The following ADCY1 variants were observed in gnomAD, a reference collection of about 807,000 sequenced individuals.
ADCY1 encodes the protein adenylate cyclase 1, also known as adenylate cyclase type 1.
A neutral mutation model predicts 105.4 loss-of-function variants in ADCY1; 28 were observed. The observed-to-expected ratio is 0.27, with a 90% CI of 0.20 to 0.36. The LOEUF is 0.36. Ranked by LOEUF, ADCY1 falls within the 10% of genes least tolerant of loss-of-function variation. The pLI is 1.00. For synonymous variants in ADCY1, 655 were observed against 623.8 expected (o/e 1.05, Z -0.75); for missense variants, 977 against 1,434.2 (o/e 0.68, Z 5.15).
At chr7:45,581,394 T>C (rs1300304871) in intron 1 of ADCY1, among the ~76,000 whole-genome samples, 1 of 152,230 alleles carries the variant, frequency 6.6e-6, no homozygotes. Flanking sequence ...TGATCAAATG[T>C]TGGGAGAGAC....
At chr7:45,650,306 A>G (rs918439067) in intron 5 of ADCY1, among the ~76,000 whole-genome samples, 1 of 152,170 alleles carries the variant, frequency 6.6e-6, no homozygotes, top group Non-Finnish European at 1.5e-5. Context: ...AATGGATCAC[A>G]TCATATCACA....
At chr7:45,713,279 C>A (rs1024057654) in intron 19 of ADCY1, among the ~76,000 whole-genome samples, 4 of 152,178 alleles carry the variant, frequency 2.6e-5, no homozygotes, top group African/African-American at 9.7e-5. Flanking sequence ...GTGCATGGAG[C>A]CACCATGGAA....
intron 3 of ADCY1, among the ~76,000 whole-genome samples, chr7:45,618,455 A>G (rs1793801859): frequency 6.6e-6 from 1 of 152,226 alleles, no homozygotes; most frequent in African/African-American, 2.4e-5. Flanking sequence ...AGGATAGGAT[A>G]AAACATTTGT....
intron 5 of ADCY1, among the ~76,000 whole-genome samples, chr7:45,653,513 G>T (rs139845305): frequency 3.4e-4 from 52 of 152,356 alleles, no homozygotes; most frequent in African/African-American, 1.2e-3. Context: ...CACGTGTTAA[G>T]AGTCTTAGTC....
intron 4 of ADCY1, among the ~76,000 whole-genome samples, chr7:45,643,485 T>C (rs1478002672): frequency 6.6e-6 from 1 of 152,126 alleles, no homozygotes; most frequent in African/African-American, 2.4e-5. Flanking sequence ...AATTGGAGAT[T>C]TCTTTGTGGT....
intron 4 of ADCY1, among the ~76,000 whole-genome samples, chr7:45,642,530 C>A (rs879069626): frequency 6.6e-6 from 1 of 152,204 alleles, no homozygotes; most frequent in African/African-American, 2.4e-5. Context: ...TGTGCTCCTC[C>A]TGCCCACTTG....
chr7:45,589,848 C>T (rs1038908349), intron 1 of ADCY1, among the ~76,000 whole-genome samples: 2 of 151,890 alleles, frequency 1.3e-5, no homozygotes, highest in African/African-American at 2.4e-5. Context: ...TGTTTGATGG[C>T]GCTTTTCCTT....
chr7:45,678,309 GGTTTCTGGGGTTCGTGGTTGT>G lies in ADCY1; in HGVS notation c.1898+75_1898+95del, dbSNP rs749696182. 2.7e-4 allele frequency: 420 copies of G among 1,559,362 alleles called. 5 individuals are homozygous for G. Among genetic ancestry groups the G allele is most frequent in the South Asian group, 1.7e-3 (155 of 89,964 alleles). On this transcript the variant is annotated intron_variant, in intron 10 of 19. Coordinates refer to ENST00000297323, the MANE Select transcript of ADCY1 (RefSeq NM_021116.4). ...GGTGAGGAACTCACCAAGAAGTCCCGGTTTCTGGGGTTCGTGGTTGTGTTTCTGGGGTTCGTGGTTGTGTTT... is the reference window on the plus strand; with the variant it reads ...GGTGAGGAACTCACCAAGAAGTCCCGGTTTCTGGGGTTCGTGGTTGTGTTT...
chr7:45,626,104 A>G (rs952503527), intron 4 of ADCY1, among the ~76,000 whole-genome samples: 5 of 152,346 alleles, frequency 3.3e-5, no homozygotes, highest in Admixed American at 3.3e-4. Context: ...TGAAGGGCAG[A>G]TAGTAAATAT....
intron 6 of ADCY1, 122 bp from the exon 7 acceptor site, chr7:45,659,920 C>A: frequency 7.9e-7 from 1 of 1,271,196 alleles, no homozygotes; most frequent in East Asian, 2.4e-5. Flanking sequence ...TGAATACTCC[C>A]CGTGGAGCCT....
chr7:45,663,185 C>G (rs986597319), intron 8 of ADCY1, among the ~76,000 whole-genome samples: 7 of 152,248 alleles, frequency 4.6e-5, no homozygotes, highest in African/African-American at 1.2e-4. Context: ...CCACTTTCTT[C>G]TCTGCCGCTC....
chr7:45,658,895 A>G (rs1386953965), intron 6 of ADCY1, among the ~76,000 whole-genome samples: 1 of 152,198 alleles, frequency 6.6e-6, no homozygotes, highest in African/African-American at 2.4e-5. Context: ...TGCCTGCCCC[A>G]GGCCAATGGG....
chr7:45,704,415 T>C, intron 16 of ADCY1, 103 bp from the exon 17 acceptor site: 3 of 929,232 alleles, frequency 3.2e-6, no homozygotes, highest in Non-Finnish European at 3.4e-6. Flanking sequence ...GTTGCTTTCC[T>C]GAATGTGTCC....
intron 3 of ADCY1, among the ~76,000 whole-genome samples, chr7:45,617,524 T>C (rs1793769849): frequency 6.6e-6 from 1 of 152,206 alleles, no homozygotes; most frequent in Non-Finnish European, 1.5e-5. Flanking sequence ...GACCAAACTC[T>C]TAGAATTTGA....
At chr7:45,698,816 A>G (rs1027310843) in intron 14 of ADCY1, among the ~76,000 whole-genome samples, 3 of 152,170 alleles carry the variant, frequency 2.0e-5, no homozygotes, top group African/African-American at 7.2e-5. Context: ...TCACCCTCCT[A>G]TCAAGCTGGT....
At chr7:45,658,565 GC>G (rs1247082881) in intron 6 of ADCY1, among the ~76,000 whole-genome samples, 1 of 152,220 alleles carries the variant, frequency 6.6e-6, no homozygotes, top group African/African-American at 2.4e-5. Flanking sequence ...AACACTGGCT[GC>G]CCCTCAGTGT....
chr7:45,674,494 C>T lies in ADCY1; in HGVS notation c.1606-3375C>T, dbSNP rs924088528. On this transcript the variant is annotated intron_variant, in intron 8 of 19. Transcript: ENST00000297323. ...GGTTCGAGCAATTCTCTGCCTCACC[C>T]TCTCGAGTAGCTGGGATTACAGGCA... Among the ~76,000 whole-genome samples, 10 of 152,300 alleles carry T rather than the reference C, an allele frequency of 6.6e-5. 1 individual carries two copies. Among genetic ancestry groups the T allele is most frequent in the African/African-American group, 2.4e-4 (10 of 41,568 alleles).
At position 45,721,727 on chromosome 7, in the gene ADCY1, G is replaced by A; in HGVS notation, c.*7732G>A. ...GAGGATGTTCAAAGGGCCGATTTCA[G>A]CAGGAGTTCAGAGGGCTTATGATGG... On this transcript the variant is annotated 3_prime_UTR_variant, in exon 20 of 20. Coordinates refer to ENST00000297323, the MANE Select transcript of ADCY1 (RefSeq NM_021116.4). 1 of 398,688 alleles carries A rather than the reference G, an allele frequency of 2.5e-6. No individual in the cohort carries two copies. Among genetic ancestry groups the A allele is most frequent in the South Asian group, 1.3e-4 (1 of 7,860 alleles). The allele number at this position is 398,688 out of a possible 1,614,324, so 24.7% of individuals were successfully genotyped here. A position where few individuals can be genotyped will look rare whatever the true frequency, so the allele number is the denominator to read the frequency against.
intron 3 of ADCY1, among the ~76,000 whole-genome samples, chr7:45,611,666 A>G (rs866413674): frequency 6.6e-6 from 1 of 150,576 alleles, no homozygotes. Flanking sequence ...GATTCTGTTT[A>G]AAAGTATTTA....
Sources: gnomAD v4.1 joint callset for allele counts (sites outside exome capture counted in the v4.1 genomes callset) on GRCh38, gnomAD v4.1.1 for gene constraint, MANE v1.5 for transcripts, NCBI Gene and HGNC (gene_info 2026-07-23, HGNC 2026-07-21) for gene names.